MYO3B: variants seen among roughly 807,000 people sequenced by gnomAD.
MYO3B encodes the protein myosin IIIB.
In MYO3B, 156 loss-of-function variants were observed where a neutral mutation model predicts 174.6. The observed-to-expected ratio is 0.89, with a 90% confidence interval of 0.78 to 1.02. The LOEUF (loss-of-function observed/expected upper bound fraction) is 1.02. MYO3B is among the 50% of genes least tolerant of loss of function. The pLI is 0.00. For missense variants in MYO3B, 1,632 were observed against 1,639.4 expected (o/e 1.00, Z 0.08); for synonymous variants, 563 against 569.1 (o/e 0.99, Z 0.15).
At chr2:170,646,944 A>T (rs778595919) in intron 32 of MYO3B, 5 of 1,344,566 alleles carry the variant, frequency 3.7e-6, no homozygotes, top group Non-Finnish European at 5.0e-6. Flanking sequence ...TTATGGGTAT[A>T]TATCTTTCAA....
chr2:170,490,416 T>G (rs1686393568), intron 25 of MYO3B, among the ~76,000 whole-genome samples: 1 of 152,238 alleles, frequency 6.6e-6, no homozygotes, highest in African/African-American at 2.4e-5. Context: ...CTTGCTAAAT[T>G]CACTTACTAG....
chr2:170,499,470 A>G (rs1355087937), intron 26 of MYO3B, among the ~76,000 whole-genome samples, 176 bp from the exon 27 acceptor site: 2 of 152,174 alleles, frequency 1.3e-5, no homozygotes, highest in Non-Finnish European at 2.9e-5. Flanking sequence ...GATTGGCTCA[A>G]TCTTAGAAGG....
intron 17 of MYO3B, 56 bp downstream of exon 17, chr2:170,400,370 C>T: frequency 2.5e-6 from 4 of 1,576,038 alleles, no homozygotes; most frequent in Non-Finnish European, 2.6e-6. Flanking sequence ...CTTCTTTAGG[C>T]TCTGTAAAAT....
intron 10 of MYO3B, 139 bp downstream of exon 10, chr2:170,382,251 G>A (rs1490477345): frequency 3.1e-6 from 2 of 637,960 alleles, no homozygotes; most frequent in African/African-American, 3.6e-5. Flanking sequence ...GAAGTTCAGG[G>A]AGCATTCAGT....
At chr2:170,196,794 T>A (rs2105330487) in intron 1 of MYO3B, among the ~76,000 whole-genome samples, 1 of 152,274 alleles carries the variant, frequency 6.6e-6, no homozygotes, top group East Asian at 1.9e-4. Context: ...GTTTATAGTT[T>A]AAATGATAAT....
chr2:170,354,793 C>A (rs1303123001), intron 8 of MYO3B, among the ~76,000 whole-genome samples: 1 of 152,120 alleles, frequency 6.6e-6, no homozygotes, highest in Non-Finnish European at 1.5e-5. Context: ...ATAGATGGAG[C>A]TGTTCTGCTC....
At chr2:170,562,565 G>A (rs1215655887) in intron 32 of MYO3B, among the ~76,000 whole-genome samples, 2 of 152,202 alleles carry the variant, frequency 1.3e-5, no homozygotes, top group South Asian at 2.1e-4. Flanking sequence ...CAGTCAATTA[G>A]CCCTCACTAA....
intron 22 of MYO3B, among the ~76,000 whole-genome samples, chr2:170,435,564 T>G (rs542970725): frequency 6.6e-6 from 1 of 152,234 alleles, no homozygotes; most frequent in South Asian, 2.1e-4. Flanking sequence ...CTAAGCTGAA[T>G]GTGGGCTACG....
At chr2:170,417,812 A>C (rs574998427) in intron 22 of MYO3B, among the ~76,000 whole-genome samples, 1 of 152,368 alleles carries the variant, frequency 6.6e-6, no homozygotes, top group South Asian at 2.1e-4. Flanking sequence ...GTATGACCTC[A>C]TCTAAACTTA....
chr2:170,495,630 T>C (rs1192683406), intron 25 of MYO3B, among the ~76,000 whole-genome samples: 1 of 151,850 alleles, frequency 6.6e-6, no homozygotes, highest in African/African-American at 2.4e-5. Context: ...AAATCTTTGA[T>C]TGGTGAACTG....
intron 22 of MYO3B, among the ~76,000 whole-genome samples, chr2:170,433,079 C>T (rs1315391344): frequency 6.6e-6 from 1 of 152,102 alleles, no homozygotes; most frequent in African/African-American, 2.4e-5. Context: ...ATGTTATGTG[C>T]CCTATATAGG....
At chr2:170,632,231 A>C (rs920361060) in intron 32 of MYO3B, among the ~76,000 whole-genome samples, 2 of 152,228 alleles carry the variant, frequency 1.3e-5, no homozygotes, top group Non-Finnish European at 2.9e-5. Context: ...ACATAGTTGG[A>C]AGTAAAGCAC....
intron 25 of MYO3B, among the ~76,000 whole-genome samples, chr2:170,478,523 A>G (rs1685453466): frequency 1.4e-4 from 1 of 7,164 alleles, no homozygotes; most frequent in Admixed American, 1.3e-3. Context: ...GTGTTATTGT[A>G]CACACACACA....
At chr2:170,515,255 C>A (rs958989447) in intron 29 of MYO3B, among the ~76,000 whole-genome samples, 11 of 152,186 alleles carry the variant, frequency 7.2e-5, no homozygotes, top group Admixed American at 5.9e-4. Flanking sequence ...TCACAGTTGC[C>A]CCTCCACCTC....
At chr2:170,519,322 G>T in intron 29 of MYO3B, 116 bp from the exon 30 acceptor site, 1 of 670,496 alleles carries the variant, frequency 1.5e-6, no homozygotes, top group Non-Finnish European at 2.5e-6. Context: ...CCTATAGAAA[G>T]TCACGGAGTG....
At position 170,561,943 on chromosome 2, in the gene MYO3B, A is replaced by G. The variant is rs75473988; in HGVS notation, c.3733+17955A>G. Reference sequence around the variant, plus strand: ...TCTTCATTAAACAACAACAACAAAAAGTTGATTCCTTTAAAAAAAAACCTC... The same window carrying G: ...TCTTCATTAAACAACAACAACAAAAGGTTGATTCCTTTAAAAAAAAACCTC... On this transcript the variant is annotated intron_variant, in intron 32 of 34. Transcript: ENST00000408978. 1.7e-4 allele frequency among the ~76,000 whole-genome samples: 26 copies of G among 152,284 alleles called. No homozygotes were observed. The East Asian group carries it at 5.0e-3, about 29-fold the overall frequency.
chr2:170,502,249 A>G (rs79792647), intron 28 of MYO3B, among the ~76,000 whole-genome samples: 3,115 of 151,840 alleles, frequency 0.021, 77 homozygotes, highest in East Asian at 0.094. Context: ...CCTGAACAAA[A>G]CCCTTTCCCT....
intron 22 of MYO3B, 105 bp from the exon 23 acceptor site, chr2:170,443,862 G>T: frequency 1.2e-6 from 1 of 826,596 alleles, no homozygotes; most frequent in Non-Finnish European, 1.8e-6. Flanking sequence ...AGAGCAGATT[G>T]TTTTGAAAAT....
chr2:170,227,557 T>C (rs1559316440), intron 6 of MYO3B, among the ~76,000 whole-genome samples: 1 of 152,330 alleles, frequency 6.6e-6, no homozygotes, highest in East Asian at 1.9e-4. Flanking sequence ...AGTGCTGAGA[T>C]GACAGGCATG....
Sources: allele counts gnomAD v4.1 joint callset (sites outside exome capture counted in the v4.1 genomes callset), GRCh38; gene constraint gnomAD v4.1.1; transcripts MANE v1.5; gene names NCBI Gene and HGNC (gene_info 2026-07-23, HGNC 2026-07-21).